Variants in LTBP1 observed in about 807,000 individuals in gnomAD.
The protein encoded by LTBP1 is latent transforming growth factor beta binding protein 1.
In LTBP1, 129 loss-of-function variants were observed where a neutral mutation model predicts 207.6. That is an observed-to-expected ratio of 0.62 (90% CI 0.54 to 0.72). The LOEUF (loss-of-function observed/expected upper bound fraction) is 0.72, where lower values mean the gene tolerates loss of function less well. LTBP1 is among the 30% of genes least tolerant of loss of function. The probability of loss-of-function intolerance (pLI) is 0.00; values close to 1 mark genes in which losing one functional copy is unlikely to be tolerated. For missense variants in LTBP1, 2,281 were observed against 2,217.2 expected (o/e 1.03, Z -0.58); for synonymous variants, 963 against 833.7 (o/e 1.16, Z -2.67).
chr2:33,214,056 G>A (rs1482075777), intron 7 of LTBP1, among the ~76,000 whole-genome samples: 3 of 152,288 alleles, frequency 2.0e-5, no homozygotes, highest in African/African-American at 4.8e-5. Flanking sequence ...AACATTTTAA[G>A]CATATAAAAT....
intron 7 of LTBP1, among the ~76,000 whole-genome samples, chr2:33,204,755 C>G (rs2089700834): frequency 6.6e-6 from 1 of 152,034 alleles, no homozygotes; most frequent in Non-Finnish European, 1.5e-5. Flanking sequence ...ATGGGGCAAG[C>G]CTCTTCGTAA....
intron 2 of LTBP1, among the ~76,000 whole-genome samples, chr2:32,959,828 C>G (rs566988811): frequency 6.6e-6 from 1 of 151,308 alleles, no homozygotes; most frequent in East Asian, 2.0e-4. Flanking sequence ...ACCACTTTGG[C>G]CAGGCTGGTC....
At chr2:33,188,992 A>G (rs2087529983) in intron 7 of LTBP1, 141 bp downstream of exon 7, 2 of 976,720 alleles carry the variant, frequency 2.0e-6, no homozygotes, top group East Asian at 2.6e-5. Flanking sequence ...TTTTGTAAAT[A>G]AAGTTTTATT....
chr2:33,160,271 A>G (rs1414338014), intron 5 of LTBP1, among the ~76,000 whole-genome samples: 1 of 152,200 alleles, frequency 6.6e-6, no homozygotes, highest in Non-Finnish European at 1.5e-5. Flanking sequence ...CACGAAGAGA[A>G]AATTTATTAG....
At chr2:33,157,577 A>G (rs1414040635) in intron 5 of LTBP1, among the ~76,000 whole-genome samples, 1 of 152,232 alleles carries the variant, frequency 6.6e-6, no homozygotes, top group African/African-American at 2.4e-5. Flanking sequence ...GCTCAGATGC[A>G]GACCCAGGCT....
chr2:33,125,510 A>G (rs1233200600), intron 4 of LTBP1, among the ~76,000 whole-genome samples: 1 of 152,108 alleles, frequency 6.6e-6, no homozygotes, highest in Non-Finnish European at 1.5e-5. Context: ...GTGTATGTTT[A>G]TGTTAGTTAT....
intron 7 of LTBP1, among the ~76,000 whole-genome samples, chr2:33,206,740 A>C (rs866251899): frequency 0.032 from 4,467 of 139,794 alleles, 86 homozygotes; most frequent in Middle Eastern, 0.13. Flanking sequence ...CTCCATTTCA[A>C]AAAAAAAAAA....
intron 9 of LTBP1, among the ~76,000 whole-genome samples, chr2:33,229,341 G>C (rs1474801124): frequency 1.3e-5 from 2 of 152,082 alleles, no homozygotes; most frequent in Non-Finnish European, 2.9e-5. Flanking sequence ...TGGGTGTGGT[G>C]GTGCATGCCT....
chr2:33,038,194 CTTGTGGGTTAGGAAT>C (rs1294571720), intron 3 of LTBP1, among the ~76,000 whole-genome samples: 2 of 152,242 alleles, frequency 1.3e-5, no homozygotes, highest in Non-Finnish European at 2.9e-5. Flanking sequence ...TAAAGGCGAA[CTTGTGGGTTAGGAAT>C]TCTCACCTGA....
chr2:32,947,703 G>T lies in LTBP1; in HGVS notation c.379G>T (p.Ala127Ser). Residue 127 changes from alanine to serine, a missense_variant, in exon 1 of 34, where the codon GCA (alanine) becomes TCA (serine). Physicochemically the swap from Ala to Ser is moderately conservative, Grantham distance 99. This residue lies in a region of LTBP1 where 555 missense variants were observed against 491.0 expected (regional missense o/e 1.13). Coordinates refer to ENST00000404816, the MANE Select transcript of LTBP1 (RefSeq NM_206943.4). ...QLHPNPGGHP[A>S]AAPFTKQGRQ... ...CCACCCCAATCCCGGCGGCCACCCG[G>T]CAGCCGCCCCGTTCACCAAACAAGG... 1 of 1,523,282 alleles carries T rather than the reference G, an allele frequency of 6.6e-7. No individual in the cohort carries two copies. The highest frequency in any genetic ancestry group is 8.8e-7 in the Non-Finnish European group (1 of 1,136,042). 94.4% of individuals were successfully genotyped at this position (1,523,282 alleles called of 1,614,324 possible).
At chr2:33,209,370 G>C (rs996759151) in intron 7 of LTBP1, among the ~76,000 whole-genome samples, 13 of 152,156 alleles carry the variant, frequency 8.5e-5, no homozygotes, top group Admixed American at 3.3e-4. Context: ...GAGCTCCATT[G>C]CTGTTGCTTC....
At chr2:33,079,046 A>G (rs1572531411) in intron 3 of LTBP1, among the ~76,000 whole-genome samples, 1 of 151,068 alleles carries the variant, frequency 6.6e-6, no homozygotes, top group East Asian at 1.9e-4. Flanking sequence ...GTTAGTAGAG[A>G]CGGGGTTTCA....
rs148522575 is a variant in LTBP1 at position 33,297,458 on chromosome 2, G to A, written c.3236-2993G>A. The stretch of plus-strand genomic sequence containing the variant: ...TTATTTATTTATTTATTGAGATGGA[G>A]TCTCGCTTTGTCGCCCAGGCTGGAG... On this transcript the variant is annotated intron_variant, in intron 20 of 33. Transcript: ENST00000404816. 3.5e-3 allele frequency among the ~76,000 whole-genome samples: 516 copies of A among 149,064 alleles called. 9 individuals are homozygous for A. Among genetic ancestry groups the A allele is most frequent in the African/African-American group, 0.012 (494 of 40,168 alleles).
intron 19 of LTBP1, chr2:33,285,879 T>C (rs2093657080): frequency 6.6e-6 from 1 of 151,942 alleles, no homozygotes; most frequent in South Asian, 2.1e-4. Context: ...GGGTGATATG[T>C]CTGTTGACTC....
intron 9 of LTBP1, among the ~76,000 whole-genome samples, chr2:33,235,573 A>G (rs2149634066): frequency 6.6e-6 from 1 of 152,348 alleles, no homozygotes; most frequent in South Asian, 2.1e-4. Flanking sequence ...AAAGGATTAT[A>G]AATCATTCTA....
chr2:33,103,187 G>T (rs1447859506), intron 3 of LTBP1, among the ~76,000 whole-genome samples: 1 of 151,986 alleles, frequency 6.6e-6, no homozygotes, highest in Admixed American at 6.6e-5. Flanking sequence ...TATGCTGTAT[G>T]CACTGTCTGT....
Position 32,948,941 on chromosome 2 carries a change from C to G in LTBP1, c.561C>G (p.Thr187=), listed in dbSNP as rs1451020425. Residue 187 remains threonine (T), a synonymous_variant, in exon 2 of 34, where the codon ACC becomes ACG. Coordinates refer to ENST00000404816, the MANE Select transcript of LTBP1 (RefSeq NM_206943.4). ...WSKAPGSQRC[T]KPSCVPPCQN... is the part of the protein sequence containing the mutation. Reference sequence around the variant, plus strand: ...AGGCCCCTGGCTCCCAGAGGTGCACCAAACGTAAGTTGCCATGTTCACAGT... The same window carrying G: ...AGGCCCCTGGCTCCCAGAGGTGCACGAAACGTAAGTTGCCATGTTCACAGT... The G allele has an allele frequency of 6.2e-7, 1 of 1,614,066 alleles. No individual in the cohort carries two copies. Among genetic ancestry groups the G allele is most frequent in the South Asian group, 1.1e-5 (1 of 91,074 alleles).
intron 31 of LTBP1, among the ~76,000 whole-genome samples, chr2:33,382,111 T>G (rs76991436): frequency 0.26 from 26,689 of 102,736 alleles, 4,479 homozygotes; most frequent in African/African-American, 0.48. Context: ...TTTTTTTTTT[T>G]TGAGACAGAG....
At chr2:33,128,521 G>C (rs1489737934) in intron 4 of LTBP1, among the ~76,000 whole-genome samples, 4 of 152,224 alleles carry the variant, frequency 2.6e-5, no homozygotes, top group Non-Finnish European at 5.9e-5. Flanking sequence ...TTAAAGCTGT[G>C]CTGCTGCGAA....
Sources: allele counts gnomAD v4.1 joint callset (sites outside exome capture counted in the v4.1 genomes callset), GRCh38; gene constraint gnomAD v4.1.1; regional missense constraint gnomAD v4.1.1; transcripts MANE v1.5; gene names NCBI Gene and HGNC (gene_info 2026-07-23, HGNC 2026-07-21).